PGPEP1: variants seen among roughly 807,000 people sequenced by gnomAD.
PGPEP1 encodes pyroglutamyl-peptidase I.
Under a neutral mutation model 24.1 loss-of-function variants are expected in PGPEP1, and 15 were observed. The observed-to-expected ratio is 0.62, with a 90% confidence interval of 0.42 to 0.96. PGPEP1 has a LOEUF of 0.96. PGPEP1 is among the 40% of genes least tolerant of loss of function. PGPEP1 has a pLI of 0.00. For missense variants in PGPEP1, 242 were observed against 273.4 expected, an observed-to-expected ratio of 0.89 and a Z score of 0.81; for synonymous variants, 122 against 116.4, an observed-to-expected ratio of 1.05 and a Z score of -0.31.
chr19:18,346,441 C>T (rs1261912349), intron 2 of PGPEP1, among the ~76,000 whole-genome samples: 1 of 151,994 alleles, frequency 6.6e-6, no homozygotes, highest in African/African-American at 2.4e-5. Flanking sequence ...ACCGATTTTT[C>T]GGAAGCTCCT....
rs1474533583 is a variant in PGPEP1 at position 18,369,378 on chromosome 19, A to C, written c.*5795A>C. 1.3e-5 allele frequency: 2 copies of C among 152,396 alleles called. No individual in the cohort carries two copies. The highest frequency in any genetic ancestry group is 3.8e-4 in the East Asian group (2 of 5,206). 9.4% of individuals were successfully genotyped at this position (152,396 alleles called of 1,614,324 possible). A position where few individuals can be genotyped will look rare whatever the true frequency, so the allele number is the denominator to read the frequency against. On this transcript the variant is annotated 3_prime_UTR_variant, in exon 5 of 5. Transcript: ENST00000269919. Reference sequence around the variant, plus strand: ...CTCTCCAGCGCTCACAGAACACACAAAAAGGGACAGGAATTGGTCACTGGG... The same window carrying C: ...CTCTCCAGCGCTCACAGAACACACACAAAGGGACAGGAATTGGTCACTGGG...
rs761978109 is a variant in PGPEP1, at chr19:18,357,487, C to A, written c.309C>A (p.Pro103=). The A allele has an allele frequency of 6.2e-7, 1 of 1,613,602 alleles. No homozygotes were observed. Among genetic ancestry groups the A allele is most frequent in the Non-Finnish European group, 8.5e-7 (1 of 1,179,804 alleles). Residue 103 remains proline, a synonymous_variant, in exon 4 of 5, where the codon CCC becomes CCA. Coordinates refer to ENST00000269919, the MANE Select transcript of PGPEP1 (RefSeq NM_017712.4). ...YKGLDNCRFC[P]GSQCCVEDGP... is the part of the protein sequence containing the mutation. ...GGCTGGACAACTGCCGCTTTTGCCC[C>A]GGCTCCCAGTGCTGCGTGGAGGACG...
intron 2 of PGPEP1, among the ~76,000 whole-genome samples, chr19:18,343,745 G>T (rs1010788165): frequency 6.9e-6 from 1 of 144,142 alleles, no homozygotes; most frequent in Non-Finnish European, 1.5e-5. Flanking sequence ...GTGCAGTGGC[G>T]CGATCTTGGC....
intron 4 of PGPEP1, among the ~76,000 whole-genome samples, chr19:18,362,807 G>T (rs1422873185): frequency 6.6e-6 from 1 of 151,284 alleles, no homozygotes; most frequent in Non-Finnish European, 1.5e-5. Context: ...TAGGAGGATC[G>T]CTGGAGGCCA....
At chr19:18,343,679 CTTTTTTTTTTT>C (rs3078437) in intron 2 of PGPEP1, among the ~76,000 whole-genome samples, 2 of 115,100 alleles carry the variant, frequency 1.7e-5, no homozygotes, top group African/African-American at 3.5e-5. Flanking sequence ...GGATCTCCCT[CTTTTTTTTTTT>C]TTTTTTTTTT....
At chr19:18,351,326 A>C (rs1387766005) in intron 2 of PGPEP1, among the ~76,000 whole-genome samples, 1 of 151,802 alleles carries the variant, frequency 6.6e-6, no homozygotes, top group Non-Finnish European at 1.5e-5. Context: ...TGCAATTTTT[A>C]AAAAAGGATA....
At chr19:18,357,652 C>T (rs1217206133) in intron 4 of PGPEP1, 37 bp downstream of exon 4, 4 of 1,423,020 alleles carry the variant, frequency 2.8e-6, no homozygotes, top group Non-Finnish European at 3.9e-6. Context: ...TGGGGATTTC[C>T]CTCCTCCACC....
At chr19:18,363,204 T>TA (rs1971398665) in intron 4 of PGPEP1, among the ~76,000 whole-genome samples, 187 bp from the exon 5 acceptor site, 1 of 152,010 alleles carries the variant, frequency 6.6e-6, no homozygotes, top group African/African-American at 2.4e-5. Context: ...TACAGGCACG[T>TA]GCCACCACCT....
At chr19:18,356,853 A>G (rs1568315755) in intron 3 of PGPEP1, among the ~76,000 whole-genome samples, 1 of 152,142 alleles carries the variant, frequency 6.6e-6, no homozygotes, top group South Asian at 2.1e-4. Flanking sequence ...AGCCTGGCCA[A>G]TATGGTGAAA....
chr19:18,360,415 G>A (rs1002839472), intron 4 of PGPEP1, among the ~76,000 whole-genome samples: 4 of 152,030 alleles, frequency 2.6e-5, no homozygotes, highest in African/African-American at 9.6e-5. Context: ...AGAGTGCAGT[G>A]GCAAAATCAC....
At chr19:18,357,330 CCT>C (rs1253122834) in intron 3 of PGPEP1, 51 bp from the exon 4 acceptor site, 19 of 1,415,994 alleles carry the variant, frequency 1.3e-5, no homozygotes, top group Non-Finnish European at 1.6e-5. Flanking sequence ...CAGGGGGACC[CCT>C]CTGAGTCCCA....
rs528428546 is a variant in PGPEP1, at chr19:18,351,863, G to A, written c.88-4032G>A. Among the ~76,000 whole-genome samples, 12 of 152,080 alleles carry A rather than the reference G, an allele frequency of 7.9e-5. No homozygotes were observed. The South Asian group carries it at 2.5e-3, about 31-fold the overall frequency. On this transcript the variant is annotated intron_variant, in intron 2 of 4. Transcript: ENST00000269919. ...CATGGGGCTGAGTGCAGTGGCTCAT[G>A]CCTGTAATCCCGGCACTTTGAGAGG...
rs1187335798 is a variant in PGPEP1 at position 18,340,973 on chromosome 19, C to A, written c.34+258C>A. The stretch of plus-strand genomic sequence containing the variant: ...GCAAAAGCCCGGCGCTGCGCAGGCC[C>A]CCCTGGCGTCCTTTCCTCCCAAGGT... On this transcript the variant is annotated intron_variant, in intron 1 of 4. Transcript: ENST00000269919. Among the ~76,000 whole-genome samples the A allele has an allele frequency of 6.6e-5, 10 of 152,242 alleles. 1 individual carries two copies. The highest frequency in any genetic ancestry group is 2.4e-4 in the African/African-American group (10 of 41,544).
intron 4 of PGPEP1, among the ~76,000 whole-genome samples, chr19:18,359,068 G>A (rs984184845): frequency 1.9e-4 from 29 of 151,938 alleles, no homozygotes; most frequent in African/African-American, 2.4e-4. Flanking sequence ...CAGGAGGATC[G>A]CTTGAGCCCA....
At chr19:18,349,101 C>G in intron 2 of PGPEP1, 1 of 983,928 alleles carries the variant, frequency 1.0e-6, no homozygotes, top group South Asian at 4.7e-5. Context: ...ATGAACACCT[C>G]TCTTGTGACT....
chr19:18,357,633 G>A lies in PGPEP1; in HGVS notation c.437+18G>A. 1 of 1,538,478 alleles carries A rather than the reference G, an allele frequency of 6.5e-7. No homozygotes were observed. Among genetic ancestry groups the A allele is most frequent in the Admixed American group, 1.8e-5 (1 of 54,496 alleles). ...GCCGGCAGGTAGGGCCCTGTGGGGTGGGAGTGAGTGGGGATTTCCCTCCTC... is the reference window on the plus strand; with the variant it reads ...GCCGGCAGGTAGGGCCCTGTGGGGTAGGAGTGAGTGGGGATTTCCCTCCTC... On this transcript the variant is annotated intron_variant, in intron 4 of 4. Transcript: ENST00000269919.
Position 18,365,189 on chromosome 19 carries a change from A to T in PGPEP1, c.*1606A>T, listed in dbSNP as rs931951735. On this transcript the variant is annotated 3_prime_UTR_variant, in exon 5 of 5. Transcript: ENST00000269919. The stretch of plus-strand genomic sequence containing the variant: ...AGCCACATCTTGCTGCCCATTAGGG[A>T]GAGAGGACGACCCCCACAGTGAAAG... 2 of 152,140 alleles carry T rather than the reference A, an allele frequency of 1.3e-5. No individual in the cohort carries two copies. Among genetic ancestry groups the T allele is most frequent in the African/African-American group, 4.8e-5 (2 of 41,422 alleles). The allele number at this position is 152,140 out of a possible 1,614,324, so 9.4% of individuals were successfully genotyped here.
chr19:18,343,882 C>A (rs974263699), intron 2 of PGPEP1, among the ~76,000 whole-genome samples: 52 of 151,836 alleles, frequency 3.4e-4, no homozygotes, highest in Admixed American at 2.6e-4. Flanking sequence ...TGGGGTTTCA[C>A]CATGATGGCC....
chr19:18,363,605 A>T lies in PGPEP1; in HGVS notation c.*22A>T. Reference sequence around the variant, plus strand: ...CTGAGGGACGCTCAGGTCTCCTAAGACCTCATCCTGCTGGGGACCCCACGA... The same window carrying T: ...CTGAGGGACGCTCAGGTCTCCTAAGTCCTCATCCTGCTGGGGACCCCACGA... On this transcript the variant is annotated 3_prime_UTR_variant, in exon 5 of 5. Transcript: ENST00000269919. 1 of 1,589,574 alleles carries T rather than the reference A, an allele frequency of 6.3e-7. No individual in the cohort carries two copies. The highest frequency in any genetic ancestry group is 1.1e-5 in the South Asian group (1 of 89,210).
Sources: gnomAD v4.1 joint callset for allele counts (sites outside exome capture counted in the v4.1 genomes callset) on GRCh38, gnomAD v4.1.1 for gene constraint, MANE v1.5 for transcripts, NCBI Gene and HGNC (gene_info 2026-07-23, HGNC 2026-07-21) for gene names.